The following CDKAL1 variants were observed in gnomAD, a reference collection of about 807,000 sequenced individuals.
The protein encoded by CDKAL1 is CDKAL1 threonylcarbamoyladenosine tRNA methylthiotransferase.
A neutral mutation model predicts 68.2 loss-of-function variants in CDKAL1; 32 were observed. The ratio of observed to expected loss-of-function variants is 0.47; its 90% CI spans 0.35 to 0.63. The LOEUF (loss-of-function observed/expected upper bound fraction) is 0.63. Ranked by LOEUF, CDKAL1 falls within the 30% of genes least tolerant of loss-of-function variation. The probability of loss-of-function intolerance (pLI) is 0.00; values close to 1 mark genes in which losing one functional copy is unlikely to be tolerated. For synonymous variants in CDKAL1, 234 were observed against 244.3 expected (o/e 0.96, Z 0.39); for missense variants, 606 against 696.7 (o/e 0.87, Z 1.47).
At chr6:21,041,908 T>A (rs1489218354) in intron 11 of CDKAL1, among the ~76,000 whole-genome samples, 1 of 152,184 alleles carries the variant, frequency 6.6e-6, no homozygotes, top group Non-Finnish European at 1.5e-5. Flanking sequence ...TAACACAGGT[T>A]TAGCTATTTA....
intron 5 of CDKAL1, among the ~76,000 whole-genome samples, chr6:20,702,748 G>A (rs992439348): frequency 6.6e-6 from 1 of 152,154 alleles, no homozygotes; most frequent in Non-Finnish European, 1.5e-5. Flanking sequence ...CACACGATGG[G>A]GTGTGGCCGG....
At chr6:21,209,753 T>C (rs1323539425) in intron 15 of CDKAL1, among the ~76,000 whole-genome samples, 1 of 152,170 alleles carries the variant, frequency 6.6e-6, no homozygotes, top group Non-Finnish European at 1.5e-5. Flanking sequence ...ACCAAAGATA[T>C]ATTTCAGCAG....
intron 2 of CDKAL1, among the ~76,000 whole-genome samples, chr6:20,540,091 T>TTTTTTTTTTTGG (rs1561909967): frequency 6.6e-6 from 1 of 150,382 alleles, no homozygotes; most frequent in African/African-American, 2.5e-5. Flanking sequence ...TTTTTTTTTT[T>TTTTTTTTTTTGG]GAGACAGAGT....
At chr6:20,587,138 C>T (rs187289821) in intron 4 of CDKAL1, among the ~76,000 whole-genome samples, 153 of 152,012 alleles carry the variant, frequency 1.0e-3, no homozygotes, top group Non-Finnish European at 1.0e-3. Flanking sequence ...AGGCGCGTGC[C>T]ACCACGCCCC....
At chr6:20,718,456 C>T (rs1435042643) in intron 5 of CDKAL1, among the ~76,000 whole-genome samples, 1 of 152,122 alleles carries the variant, frequency 6.6e-6, no homozygotes, top group Non-Finnish European at 1.5e-5. Flanking sequence ...TTTATTTCTT[C>T]TGTTAGGGGC....
chr6:21,221,841 A>T (rs1444829470), intron 15 of CDKAL1, among the ~76,000 whole-genome samples: 1 of 152,216 alleles, frequency 6.6e-6, no homozygotes, highest in Non-Finnish European at 1.5e-5. Flanking sequence ...TTGCTTTCAC[A>T]TCTCTTGAGT....
chr6:20,681,750 C>T (rs1562021921), intron 5 of CDKAL1, among the ~76,000 whole-genome samples: 2 of 152,104 alleles, frequency 1.3e-5, no homozygotes, highest in Non-Finnish European at 2.9e-5. Context: ...GAGATGGGTG[C>T]ATGGAAGGCC....
At chr6:21,190,170 C>T (rs1014969554) in intron 13 of CDKAL1, among the ~76,000 whole-genome samples, 2 of 151,810 alleles carry the variant, frequency 1.3e-5, no homozygotes, top group African/African-American at 4.8e-5. Context: ...TAAAGAAAGA[C>T]ATTTGACATT....
chr6:20,915,482 C>T (rs9465933), intron 9 of CDKAL1, among the ~76,000 whole-genome samples: 16,186 of 152,184 alleles, frequency 0.11, 959 homozygotes, highest in African/African-American at 0.14. Flanking sequence ...TATCTTAGAT[C>T]CTTCAGCTGA....
intron 4 of CDKAL1, among the ~76,000 whole-genome samples, chr6:20,642,492 A>AAC (rs1768227900): frequency 6.6e-6 from 1 of 151,088 alleles, no homozygotes; most frequent in Non-Finnish European, 1.5e-5. Context: ...AAAAAAAAAA[A>AAC]ACACTGCGAG....
intron 11 of CDKAL1, among the ~76,000 whole-genome samples, chr6:21,044,835 C>T (rs1021935974): frequency 2.9e-4 from 44 of 152,252 alleles, no homozygotes; most frequent in African/African-American, 9.9e-4. Flanking sequence ...ATACCTGAGA[C>T]TGGGCAATTT....
intron 9 of CDKAL1, among the ~76,000 whole-genome samples, chr6:20,882,452 G>A (rs1177064200): frequency 1.3e-5 from 2 of 152,170 alleles, no homozygotes; most frequent in African/African-American, 4.8e-5. Flanking sequence ...TTAAACAGAT[G>A]TGTTTACTTT....
intron 5 of CDKAL1, among the ~76,000 whole-genome samples, chr6:20,667,158 T>C (rs1769587588): frequency 6.6e-6 from 1 of 152,196 alleles, no homozygotes; most frequent in African/African-American, 2.4e-5. Flanking sequence ...AAATGATGTT[T>C]GCACCACATC....
At chr6:20,561,236 G>A (rs1443423930) in intron 4 of CDKAL1, among the ~76,000 whole-genome samples, 1 of 151,992 alleles carries the variant, frequency 6.6e-6, no homozygotes, top group Admixed American at 6.6e-5. Context: ...GAGGTCAGGA[G>A]TTCGAGACCA....
intron 4 of CDKAL1, among the ~76,000 whole-genome samples, chr6:20,632,232 A>G (rs1204721008): frequency 3.3e-5 from 5 of 152,184 alleles, no homozygotes; most frequent in Non-Finnish European, 5.9e-5. Context: ...TCATCTGGCA[A>G]AACAGTCCAC....
In CDKAL1 at chr6:21,055,139, T is replaced by C. The variant is rs1162183008; in HGVS notation, c.1056-9909T>C. Among the ~76,000 whole-genome samples the C allele has an allele frequency of 2.6e-5, 4 of 152,272 alleles. No homozygotes were observed. In the East Asian group the frequency reaches 7.7e-4, roughly 29 times the overall value. Reference sequence around the variant, plus strand: ...ATGTGGTTTTTATTTTGTCCTTTATTCTTTTTATATGGTACATTACATTAA... The same window carrying C: ...ATGTGGTTTTTATTTTGTCCTTTATCCTTTTTATATGGTACATTACATTAA... On this transcript the variant is annotated intron_variant, in intron 11 of 15. Transcript: ENST00000274695.
chr6:20,888,802 G>A (rs1311557048), intron 9 of CDKAL1, among the ~76,000 whole-genome samples: 2 of 152,024 alleles, frequency 1.3e-5, no homozygotes, highest in African/African-American at 4.8e-5. Flanking sequence ...CCAAGTCTTT[G>A]CTACTGTGAA....
intron 7 of CDKAL1, among the ~76,000 whole-genome samples, chr6:20,770,993 C>T (rs1774916656): frequency 1.3e-5 from 2 of 152,150 alleles, no homozygotes. Context: ...GCCAGATCAT[C>T]TCTGACACAT....
At chr6:20,727,285 G>A (rs1390021147) in intron 5 of CDKAL1, among the ~76,000 whole-genome samples, 2 of 152,128 alleles carry the variant, frequency 1.3e-5, no homozygotes, top group Non-Finnish European at 2.9e-5. Flanking sequence ...CTTAGGCTCA[G>A]TAGCTGGGGT....
Sources: allele counts gnomAD v4.1 joint callset (sites outside exome capture counted in the v4.1 genomes callset), GRCh38; gene constraint gnomAD v4.1.1; transcripts MANE v1.5; gene names NCBI Gene and HGNC (gene_info 2026-07-23, HGNC 2026-07-21).